Variants in CCNT2 observed in about 807,000 individuals in gnomAD.
CCNT2 encodes the protein cyclin T2.
In CCNT2, 18 loss-of-function variants were observed where a neutral mutation model predicts 70.0. The observed-to-expected ratio is 0.26, with a 90% CI of 0.18 to 0.38. The LOEUF (loss-of-function observed/expected upper bound fraction) is 0.38, where lower values mean the gene tolerates loss of function less well. Among genes scored for constraint, CCNT2 ranks in the 10% least tolerant of loss-of-function variants. The pLI is 1.00. For synonymous variants in CCNT2, 334 were observed against 313.3 expected (o/e 1.07, Z -0.70); for missense variants, 734 against 890.2 (o/e 0.82, Z 2.23).
chr2:134,920,184 C>T (rs1406222936), intron 2 of CCNT2: 2 of 245,250 alleles, frequency 8.2e-6, no homozygotes, highest in Non-Finnish European at 1.6e-5. Context: ...CTATACTTAA[C>T]ATTTGAATAA....
intron 2 of CCNT2, among the ~76,000 whole-genome samples, chr2:134,925,859 CTTTTTTT>C (rs3041372): frequency 3.5e-5 from 3 of 85,266 alleles, no homozygotes; most frequent in South Asian, 4.2e-4. Context: ...GGATAGCTGC[CTTTTTTT>C]TTTTTTTTTT....
intron 3 of CCNT2, among the ~76,000 whole-genome samples, chr2:134,937,414 A>G (rs529844162): frequency 3.3e-5 from 5 of 152,284 alleles, no homozygotes; most frequent in Non-Finnish European, 5.9e-5. Context: ...TGCATGTACT[A>G]CTGCTTATCT....
intron 2 of CCNT2, chr2:134,920,328 T>G (rs2105004599): frequency 6.6e-6 from 1 of 152,616 alleles, no homozygotes; most frequent in African/African-American, 2.4e-5. Flanking sequence ...AAAGAGCTAT[T>G]TAGTAGAAAT....
At chr2:134,925,859 C>CTTTTTTT (rs3041372) in intron 2 of CCNT2, among the ~76,000 whole-genome samples, 7 of 85,264 alleles carry the variant, frequency 8.2e-5, no homozygotes, top group Admixed American at 3.0e-4. Context: ...GGATAGCTGC[C>CTTTTTTT]TTTTTTTTTT....
At chr2:134,945,064 C>G in intron 5 of CCNT2, 1 of 985,348 alleles carries the variant, frequency 1.0e-6, no homozygotes, top group Non-Finnish European at 1.2e-6. Flanking sequence ...TTCTCCTTCC[C>G]TCCCCACCAG....
At position 134,942,097 on chromosome 2, in the gene CCNT2, T is replaced by A. The variant is rs565525478; in HGVS notation, c.431-515T>A. Among the ~76,000 whole-genome samples, 7 of 151,872 alleles carry A rather than the reference T, an allele frequency of 4.6e-5. No homozygotes were observed. The South Asian group carries it at 1.5e-3, about 32-fold the overall frequency. Reference sequence around the variant, plus strand: ...TTAAGCAGTCATGAGACCTCTATGGTTTGTCATATGATTTTGATTATTAAT... The same window carrying A: ...TTAAGCAGTCATGAGACCTCTATGGATTGTCATATGATTTTGATTATTAAT... On this transcript the variant is annotated intron_variant, in intron 4 of 8. Coordinates refer to ENST00000264157, the MANE Select transcript of CCNT2 (RefSeq NM_058241.3).
In CCNT2 at chr2:134,954,255, G is replaced by T. The variant is rs146155622; in HGVS notation, c.1800G>T (p.Arg600Ser). The change falls in exon 9 of 9, where the codon AGG becomes AGT. Residue 600 changes from arginine (R) to serine (S), a missense_variant. Arg to Ser is a moderately radical substitution (Grantham distance 110, BLOSUM62 -1). Around this residue, in one of 3 missense-constraint regions of CCNT2, gnomAD observed 532 missense variants for 556.9 expected, o/e 0.96. Coordinates refer to ENST00000264157, the MANE Select transcript of CCNT2 (RefSeq NM_058241.3). Reference protein sequence around the residue: ...SADGIPPTVLRSPVGLSSDGI... With the variant: ...SADGIPPTVLSSPVGLSSDGI... Reference sequence around the variant, plus strand: ...ACGGAATACCACCCACTGTTCTGAGGAGTCCTGTTGGCCTGAGCAGTGATG... The same window carrying T: ...ACGGAATACCACCCACTGTTCTGAGTAGTCCTGTTGGCCTGAGCAGTGATG... 3 of 1,614,176 alleles carry T rather than the reference G, an allele frequency of 1.9e-6. No homozygotes were observed. The highest frequency in any genetic ancestry group is 2.5e-6 in the Non-Finnish European group (3 of 1,180,022).
In CCNT2 at chr2:134,955,810, A is replaced by G; in HGVS notation, c.*1162A>G. 1 of 144,046 alleles carries G rather than the reference A, an allele frequency of 6.9e-6. No individual in the cohort carries two copies. The highest frequency in any genetic ancestry group is 2.2e-4 in the South Asian group (1 of 4,474). The allele number at this position is 144,046 out of a possible 1,614,324, so 8.9% of individuals were successfully genotyped here. On this transcript the variant is annotated 3_prime_UTR_variant, in exon 9 of 9. Coordinates refer to ENST00000264157, the MANE Select transcript of CCNT2 (RefSeq NM_058241.3). Reference sequence around the variant, plus strand: ...CTCTCAATTCTTTTATATTCTAACAATAAATAAAAAAGAAAAGATTACTGA... The same window carrying G: ...CTCTCAATTCTTTTATATTCTAACAGTAAATAAAAAAGAAAAGATTACTGA...
At chr2:134,919,513 C>T (rs1679704016) in intron 1 of CCNT2, among the ~76,000 whole-genome samples, 2 of 152,132 alleles carry the variant, frequency 1.3e-5, no homozygotes, top group South Asian at 2.1e-4. Flanking sequence ...GGTGTGTGCG[C>T]GCGCGTTTCA....
At chr2:134,938,889 A>C (rs1177115823) in intron 3 of CCNT2, 113 bp from the exon 4 acceptor site, 4 of 619,172 alleles carry the variant, frequency 6.5e-6, no homozygotes, top group Non-Finnish European at 1.1e-5. Context: ...CATATTTTCA[A>C]ACTACTGTGG....
At chr2:134,941,441 A>C (rs1421094888) in intron 4 of CCNT2, among the ~76,000 whole-genome samples, 1 of 152,222 alleles carries the variant, frequency 6.6e-6, no homozygotes, top group Non-Finnish European at 1.5e-5. Flanking sequence ...GTTACCAGTA[A>C]GGCTTCAGCG....
chr2:134,953,691 T>A lies in CCNT2; in HGVS notation c.1236T>A (p.His412Gln), dbSNP rs1446167421. 2 of 1,613,924 alleles carry A rather than the reference T, an allele frequency of 1.2e-6. No individual in the cohort carries two copies. The highest frequency in any genetic ancestry group is 2.2e-5 in the East Asian group (1 of 44,880). The change falls in exon 9 of 9, where the codon CAT (histidine) becomes CAA (glutamine). Residue 412 changes from histidine (H) to glutamine (Q), a missense_variant. This residue lies in a region of CCNT2 where 532 missense variants were observed against 556.9 expected (regional missense o/e 0.96). Coordinates refer to ENST00000264157, the MANE Select transcript of CCNT2 (RefSeq NM_058241.3). ...DHSSVKQEYTHKAGSSKHHGP... is the reference protein window; with the variant it reads ...DHSSVKQEYTQKAGSSKHHGP... Reference sequence around the variant, plus strand: ...CTTCTGTTAAGCAAGAATATACTCATAAAGCAGGGAGCAGTAAACACCATG... The same window carrying A: ...CTTCTGTTAAGCAAGAATATACTCAAAAAGCAGGGAGCAGTAAACACCATG...
At chr2:134,931,120 G>A (rs1052885233) in intron 2 of CCNT2, among the ~76,000 whole-genome samples, 30 of 151,768 alleles carry the variant, frequency 2.0e-4, no homozygotes, top group Non-Finnish European at 1.9e-4. Context: ...CTGCCGCCAC[G>A]CCCGGCTGAT....
chr2:134,955,227 G>A lies in CCNT2; in HGVS notation c.*579G>A, dbSNP rs1172273496. On this transcript the variant is annotated 3_prime_UTR_variant, in exon 9 of 9. Transcript: ENST00000264157. The stretch of plus-strand genomic sequence containing the variant: ...AGAATAACTTTATTTTATCTTGTCA[G>A]AGTCCATCACTAATCTAAAACAAAG... The A allele has an allele frequency of 6.5e-6, 1 of 153,502 alleles. No individual in the cohort carries two copies. The highest frequency in any genetic ancestry group is 2.4e-5 in the African/African-American group (1 of 41,430). The allele number at this position is 153,502 out of a possible 1,614,324, so 9.5% of individuals were successfully genotyped here. A position where few individuals can be genotyped will look rare whatever the true frequency, so the allele number is the denominator to read the frequency against.
At chr2:134,924,595 A>C (rs996741156) in intron 2 of CCNT2, among the ~76,000 whole-genome samples, 1 of 152,042 alleles carries the variant, frequency 6.6e-6, no homozygotes, top group African/African-American at 2.4e-5. Flanking sequence ...GATTACAGGC[A>C]TGCACCACCA....
intron 1 of CCNT2, among the ~76,000 whole-genome samples, chr2:134,919,382 T>G (rs1679687623): frequency 6.6e-6 from 1 of 152,218 alleles, no homozygotes; most frequent in South Asian, 2.1e-4. Context: ...GGGTTAGCGA[T>G]GCTGAAAGGC....
At position 134,953,307 on chromosome 2, in the gene CCNT2, G is replaced by C. The variant is rs774193353; in HGVS notation, c.852G>C (p.Gln284His). The C allele has an allele frequency of 1.2e-6, 2 of 1,613,332 alleles. No individual in the cohort carries two copies. The highest frequency in any genetic ancestry group is 4.5e-5 in the East Asian group (2 of 44,868). The change falls in exon 9 of 9, where the codon CAG (glutamine) becomes CAC (histidine). Residue 284 changes from glutamine (Q) to histidine (H), a missense_variant. Around this residue, in one of 3 missense-constraint regions of CCNT2, gnomAD observed 532 missense variants for 556.9 expected, o/e 0.96. Coordinates refer to ENST00000264157, the MANE Select transcript of CCNT2 (RefSeq NM_058241.3). Reference protein sequence around the residue: ...ETPLLGSSLVQNSILVDSVTG... With the variant: ...ETPLLGSSLVHNSILVDSVTG... ...CACTTCTTGGTTCATCTTTGGTCCA[G>C]AATTCCATTTTAGTAGATAGTGTCA...
chr2:134,947,828 T>C lies in CCNT2; in HGVS notation c.632T>C (p.Ile211Thr). 2 of 1,557,916 alleles carry C rather than the reference T, an allele frequency of 1.3e-6. No individual in the cohort carries two copies. The highest frequency in any genetic ancestry group is 1.8e-6 in the Non-Finnish European group (2 of 1,140,042). The change falls in exon 7 of 9, where the codon ATC (isoleucine) becomes ACC (threonine). Residue 211 changes from isoleucine to threonine, a missense_variant. Around this residue, in one of 3 missense-constraint regions of CCNT2, gnomAD observed 161 missense variants for 303.8 expected, o/e 0.53. Coordinates refer to ENST00000264157, the MANE Select transcript of CCNT2 (RefSeq NM_058241.3). ...GCTTGCAAATGGTCCAATTGGGAGA[T>C]CCCTGTATCAACTGATGGAAAGCAT... ...HLACKWSNWE[I>T]PVSTDGKHWW...
intron 2 of CCNT2, among the ~76,000 whole-genome samples, chr2:134,924,990 A>G (rs1179651530): frequency 6.6e-6 from 1 of 152,110 alleles, no homozygotes; most frequent in Non-Finnish European, 1.5e-5. Flanking sequence ...GGTGCAGTTT[A>G]CTGTGTTCCT....
Sources: allele counts gnomAD v4.1 joint callset (sites outside exome capture counted in the v4.1 genomes callset), GRCh38; gene constraint gnomAD v4.1.1; regional missense constraint gnomAD v4.1.1; transcripts MANE v1.5; gene names NCBI Gene and HGNC (gene_info 2026-07-23, HGNC 2026-07-21).